CCDC88A: variants seen among roughly 807,000 people sequenced by gnomAD.
The protein encoded by CCDC88A is coiled-coil and HOOK domain protein 88A.
Under a neutral mutation model 234.3 loss-of-function variants are expected in CCDC88A, and 54 were observed. The observed-to-expected ratio is 0.23, with a 90% confidence interval of 0.19 to 0.29. The LOEUF is 0.29. Ranked by LOEUF, CCDC88A falls within the 10% of genes least tolerant of loss-of-function variation. CCDC88A has a pLI of 1.00. For missense variants in CCDC88A, 1,832 were observed against 2,123.4 expected, an observed-to-expected ratio of 0.86 and a Z score of 2.70; for synonymous variants, 753 against 737.8, an observed-to-expected ratio of 1.02 and a Z score of -0.33.
chr2:55,348,393 C>CCTA (rs1669454841), intron 9 of CCDC88A: 2 of 152,794 alleles, frequency 1.3e-5, no homozygotes, highest in African/African-American at 4.8e-5. Context: ...CCTGCCTCAG[C>CCTA]CTACTGAGTA....
intron 2 of CCDC88A, among the ~76,000 whole-genome samples, chr2:55,414,927 C>T (rs1681104808): frequency 1.3e-5 from 2 of 151,642 alleles, no homozygotes; most frequent in South Asian, 2.1e-4. Context: ...ATTAGCCAGG[C>T]GTGGTGGTGG....
At chr2:55,326,586 A>G (rs893587660) in intron 17 of CCDC88A, among the ~76,000 whole-genome samples, 4 of 152,142 alleles carry the variant, frequency 2.6e-5, no homozygotes, top group Non-Finnish European at 4.4e-5. Flanking sequence ...TTTTTGAGAC[A>G]GGGTCTCACT....
At chr2:55,403,242 G>A (rs1558830748) in intron 2 of CCDC88A, 2 of 152,082 alleles carry the variant, frequency 1.3e-5, no homozygotes, top group Non-Finnish European at 2.9e-5. Context: ...AAGTAAAAAT[G>A]GTGTTCCAAA....
chr2:55,405,082 T>C (rs1679326216), intron 2 of CCDC88A: 1 of 152,230 alleles, frequency 6.6e-6, no homozygotes, highest in Non-Finnish European at 1.5e-5. Flanking sequence ...TTTAAAATAC[T>C]GTATTGTACT....
At chr2:55,306,869 C>A (rs1681642553) in intron 25 of CCDC88A, among the ~76,000 whole-genome samples, 1 of 152,198 alleles carries the variant, frequency 6.6e-6, no homozygotes, top group Non-Finnish European at 1.5e-5. Flanking sequence ...AGCCACCGCG[C>A]CTGGCCTATA....
chr2:55,377,000 T>A (rs1054920536), intron 3 of CCDC88A, among the ~76,000 whole-genome samples: 1 of 151,712 alleles, frequency 6.6e-6, no homozygotes, highest in African/African-American at 2.4e-5. Flanking sequence ...CTGGCTAATT[T>A]TTTTTGTATT....
At chr2:55,370,381 C>T (rs150043625) in intron 5 of CCDC88A, among the ~76,000 whole-genome samples, 39 of 152,220 alleles carry the variant, frequency 2.6e-4, no homozygotes, top group African/African-American at 8.9e-4. Context: ...ATGACTCAAG[C>T]CTGTAATCCC....
At chr2:55,302,132 T>G in intron 26 of CCDC88A, 60 bp from the exon 27 acceptor site, 1 of 1,360,200 alleles carries the variant, frequency 7.4e-7, no homozygotes, top group African/African-American at 1.4e-5. Context: ...CTTATTTCTA[T>G]TTTGTAGTAC....
rs1680961971 is a variant in CCDC88A at position 55,302,086 on chromosome 2, G to T, written c.4472-14C>A. 1 of 1,589,582 alleles carries T rather than the reference G, an allele frequency of 6.3e-7. No homozygotes were observed. The highest frequency in any genetic ancestry group is 8.6e-7 in the Non-Finnish European group (1 of 1,157,854). On this transcript the variant is annotated splice_polypyrimidine_tract_variant and intron_variant, in intron 26 of 32. Coordinates refer to ENST00000436346, the MANE Select transcript of CCDC88A (RefSeq NM_001365480.1). Reference sequence around the variant, plus strand: ...GGTCATTCATGGCTGGGATGCAAATGAAAGCAAATGAATCAGCATGGTTAA... The same window carrying T: ...GGTCATTCATGGCTGGGATGCAAATTAAAGCAAATGAATCAGCATGGTTAA...
At chr2:55,389,280 A>T (rs911558230) in intron 2 of CCDC88A, among the ~76,000 whole-genome samples, 3 of 152,190 alleles carry the variant, frequency 2.0e-5, no homozygotes, top group Non-Finnish European at 4.4e-5. Context: ...GGTAATAGGG[A>T]TTATATTTGA....
At chr2:55,394,470 T>C (rs1472088122) in intron 2 of CCDC88A, 2 of 152,106 alleles carry the variant, frequency 1.3e-5, no homozygotes, top group African/African-American at 2.4e-5. Flanking sequence ...CTGGGTCAAA[T>C]GGTATTTCTA....
intron 13 of CCDC88A, among the ~76,000 whole-genome samples, chr2:55,338,073 A>T (rs1446953490): frequency 6.6e-6 from 1 of 152,154 alleles, no homozygotes; most frequent in Non-Finnish European, 1.5e-5. Flanking sequence ...TTCAGTTTAT[A>T]AAAAAATCAT....
intron 2 of CCDC88A, among the ~76,000 whole-genome samples, chr2:55,391,883 T>C (rs1676712558): frequency 6.6e-6 from 1 of 152,202 alleles, no homozygotes; most frequent in Admixed American, 6.5e-5. Flanking sequence ...AGGAAATAGA[T>C]TCAGTTCAGA....
At position 55,316,114 on chromosome 2, in the gene CCDC88A, C is replaced by A; in HGVS notation, c.3747G>T (p.Arg1249Ser). The part of the protein sequence containing the change: ...EYKKLCGEND[R>S]LNHTYSQLLK... ...AAAGTTGACTATAGGTATGATTCAG[C>A]CTATAATTAGAAATCATAGAAATAT... Residue 1249 changes from arginine to serine, a missense_variant and splice_region_variant, in exon 22 of 33, where the codon AGG becomes AGT. This residue lies in a region of CCDC88A where 1,282 missense variants were observed against 1,543.6 expected (regional missense o/e 0.83). Transcript: ENST00000436346. 7.5e-7 allele frequency: 1 copy of A among 1,324,860 alleles called. No individual in the cohort carries two copies. The highest frequency in any genetic ancestry group is 1.5e-5 in the South Asian group (1 of 67,486). The allele number at this position is 1,324,860 out of a possible 1,614,324, so 82.1% of individuals were successfully genotyped here.
intron 9 of CCDC88A, among the ~76,000 whole-genome samples, chr2:55,346,573 C>G (rs1669138034): frequency 6.6e-6 from 1 of 152,090 alleles, no homozygotes; most frequent in Non-Finnish European, 1.5e-5. Flanking sequence ...GCTCCCCCCA[C>G]CATGCCCGGC....
rs1344085854 is a variant in CCDC88A, at chr2:55,343,017, C to T, written c.1333+631G>A. 2.6e-5 allele frequency among the ~76,000 whole-genome samples: 4 copies of T among 152,112 alleles called. No individual in the cohort carries two copies. In the South Asian group the frequency reaches 6.2e-4, roughly 24 times the overall value. ...ATATTAGCATATCCAAAGCTATAAT[C>T]CAAACAATTGTACATAATCATGCCC... On this transcript the variant is annotated intron_variant, in intron 12 of 32. Coordinates refer to ENST00000436346, the MANE Select transcript of CCDC88A (RefSeq NM_001365480.1).
chr2:55,376,658 G>C (rs1673693770), intron 3 of CCDC88A, among the ~76,000 whole-genome samples: 1 of 152,162 alleles, frequency 6.6e-6, no homozygotes, highest in Non-Finnish European at 1.5e-5. Context: ...CTCAATATAT[G>C]CATCATGTTA....
At chr2:55,357,066 C>A (rs939224212) in intron 7 of CCDC88A, among the ~76,000 whole-genome samples, 1 of 152,154 alleles carries the variant, frequency 6.6e-6, no homozygotes, top group Non-Finnish European at 1.5e-5. Flanking sequence ...CAGCACTGTT[C>A]TTGAATTATG....
At chr2:55,312,161 T>G (rs1313294093) in intron 23 of CCDC88A, among the ~76,000 whole-genome samples, 1 of 152,212 alleles carries the variant, frequency 6.6e-6, no homozygotes, top group Non-Finnish European at 1.5e-5. Context: ...GTGCTATATT[T>G]CTATGGCCTC....
Sources: gnomAD v4.1 joint callset for allele counts (sites outside exome capture counted in the v4.1 genomes callset) on GRCh38, gnomAD v4.1.1 for gene constraint, gnomAD v4.1.1 regional missense constraint, MANE v1.5 for transcripts, NCBI Gene and HGNC (gene_info 2026-07-23, HGNC 2026-07-21) for gene names.